RANBP9: variants seen among roughly 807,000 people sequenced by gnomAD.
RANBP9 encodes the protein RAN binding protein 9.
In RANBP9, 15 loss-of-function variants were observed where a neutral mutation model predicts 84.3. That is an observed-to-expected ratio of 0.18 (90% CI 0.12 to 0.27). The LOEUF (loss-of-function observed/expected upper bound fraction) is 0.27, where lower values mean the gene tolerates loss of function less well. Ranked by LOEUF, RANBP9 falls within the 10% of genes least tolerant of loss-of-function variation. RANBP9 has a pLI of 1.00. For synonymous variants in RANBP9, 392 were observed against 349.6 expected, an observed-to-expected ratio of 1.12 and a Z score of -1.35; for missense variants, 809 against 912.8, an observed-to-expected ratio of 0.89 and a Z score of 1.46.
At chr6:13,662,784 A>C (rs965933330) in intron 2 of RANBP9, among the ~76,000 whole-genome samples, 1 of 152,208 alleles carries the variant, frequency 6.6e-6, no homozygotes, top group African/African-American at 2.4e-5. Flanking sequence ...CTGCAGCCCA[A>C]ACAAAAACAA....
At chr6:13,691,346 T>C (rs183349974) in intron 2 of RANBP9, among the ~76,000 whole-genome samples, 11 of 152,262 alleles carry the variant, frequency 7.2e-5, no homozygotes, top group Non-Finnish European at 1.5e-4. Flanking sequence ...AAATGAAATA[T>C]ATTCTTTCAC....
At chr6:13,633,742 A>T (rs1385329399) in intron 11 of RANBP9, among the ~76,000 whole-genome samples, 1 of 152,230 alleles carries the variant, frequency 6.6e-6, no homozygotes, top group African/African-American at 2.4e-5. Flanking sequence ...AATACCACTC[A>T]ATCTCAAAAT....
chr6:13,708,371 A>T (rs2113374753), intron 1 of RANBP9, among the ~76,000 whole-genome samples: 1 of 152,334 alleles, frequency 6.6e-6, no homozygotes, highest in South Asian at 2.1e-4. Flanking sequence ...GACTGCAGTG[A>T]GCCATGATCG....
At chr6:13,661,929 G>A (rs1765545566) in intron 2 of RANBP9, among the ~76,000 whole-genome samples, 1 of 152,118 alleles carries the variant, frequency 6.6e-6, no homozygotes, top group Non-Finnish European at 1.5e-5. Flanking sequence ...TATGTTCAAA[G>A]TATTGAAAGT....
At chr6:13,688,941 G>A (rs911967647) in intron 2 of RANBP9, among the ~76,000 whole-genome samples, 11 of 130,956 alleles carry the variant, frequency 8.4e-5, no homozygotes, top group Non-Finnish European at 1.4e-4. Flanking sequence ...GAGGCCAGGA[G>A]TTCAAGACCA....
intron 2 of RANBP9, among the ~76,000 whole-genome samples, chr6:13,685,314 T>C (rs1383951081): frequency 6.6e-6 from 1 of 152,202 alleles, no homozygotes; most frequent in African/African-American, 2.4e-5. Flanking sequence ...AATAAAAAGA[T>C]ATTCAGAGCT....
At chr6:13,706,573 T>C (rs1651505851) in intron 1 of RANBP9, among the ~76,000 whole-genome samples, 1 of 148,212 alleles carries the variant, frequency 6.7e-6, no homozygotes, top group African/African-American at 2.5e-5. Context: ...CATGCCTGTA[T>C]TCTCAGCTAT....
At chr6:13,710,254 A>C (rs1221266591) in intron 1 of RANBP9, among the ~76,000 whole-genome samples, 2 of 152,140 alleles carry the variant, frequency 1.3e-5, no homozygotes, top group Non-Finnish European at 1.5e-5. Flanking sequence ...ACAAGACTTC[A>C]TGTGATATCA....
chr6:13,665,088 T>C (rs1765617969), intron 2 of RANBP9, among the ~76,000 whole-genome samples: 1 of 152,096 alleles, frequency 6.6e-6, no homozygotes. Context: ...AATCTCTATC[T>C]CACACAATAC....
Position 13,667,035 on chromosome 6 carries a change from G to A in RANBP9, c.684-8203C>T, listed in dbSNP as rs973847347. On this transcript the variant is annotated intron_variant, in intron 2 of 13. Coordinates refer to ENST00000011619, the MANE Select transcript of RANBP9 (RefSeq NM_005493.3). ...ATAAAAACAAACTCAATCCAACAGT[G>A]AGGGACAGGCAAAATTTATGTGAAC... 5.9e-5 allele frequency among the ~76,000 whole-genome samples: 9 copies of A among 152,296 alleles called. No homozygotes were observed. The East Asian group carries it at 1.7e-3, about 29-fold the overall frequency.
chr6:13,658,846 T>C lies in RANBP9; in HGVS notation c.684-14A>G. ...ATTCCCATGTAACTGTTGGCGGAGGTTGGGGGAGAGAAGAAAAGGACATTA... is the reference window on the plus strand; with the variant it reads ...ATTCCCATGTAACTGTTGGCGGAGGCTGGGGGAGAGAAGAAAAGGACATTA... On this transcript the variant is annotated splice_polypyrimidine_tract_variant and intron_variant, in intron 2 of 13. Coordinates refer to ENST00000011619, the MANE Select transcript of RANBP9 (RefSeq NM_005493.3). The C allele has an allele frequency of 3.9e-6, 6 of 1,557,166 alleles. No individual in the cohort carries two copies. The highest frequency in any genetic ancestry group is 5.3e-6 in the Non-Finnish European group (6 of 1,129,180).
chr6:13,708,574 C>A (rs138166779), intron 1 of RANBP9, among the ~76,000 whole-genome samples: 1 of 152,140 alleles, frequency 6.6e-6, no homozygotes, highest in Non-Finnish European at 1.5e-5. Context: ...TTCTGTAATA[C>A]GTGAATATAT....
At chr6:13,687,937 AAACTTTATGCT>A (rs1766227941) in intron 2 of RANBP9, among the ~76,000 whole-genome samples, 1 of 152,158 alleles carries the variant, frequency 6.6e-6, no homozygotes, top group Non-Finnish European at 1.5e-5. Flanking sequence ...TCCTCCCACA[AAACTTTATGCT>A]GAGCTTCCTC....
At chr6:13,680,458 C>T (rs1005937206) in intron 2 of RANBP9, among the ~76,000 whole-genome samples, 21 of 152,134 alleles carry the variant, frequency 1.4e-4, no homozygotes, top group African/African-American at 4.3e-4. Flanking sequence ...AAAAACATGG[C>T]TGGGTACAGT....
intron 12 of RANBP9, among the ~76,000 whole-genome samples, chr6:13,632,118 C>CTTTTTTTTTTTTTT (rs752500098): frequency 1.3e-5 from 1 of 74,966 alleles, no homozygotes; most frequent in African/African-American, 4.8e-5. Flanking sequence ...GGATTTAATC[C>CTTTTTTTTTTTTTT]TTTTTTTTTT....
chr6:13,671,429 A>T (rs1267133887), intron 2 of RANBP9, among the ~76,000 whole-genome samples: 4 of 152,232 alleles, frequency 2.6e-5, no homozygotes, highest in African/African-American at 9.6e-5. Context: ...ATATTAATAC[A>T]ATGGAATATT....
intron 2 of RANBP9, among the ~76,000 whole-genome samples, chr6:13,667,580 ATTTTAAATCTT>A (rs747932662): frequency 1.3e-5 from 2 of 152,220 alleles, no homozygotes; most frequent in Non-Finnish European, 2.9e-5. Context: ...CAAGTGTGCC[ATTTTAAATCTT>A]TTATACCACA....
At chr6:13,677,331 C>T (rs1017473236) in intron 2 of RANBP9, among the ~76,000 whole-genome samples, 1 of 152,034 alleles carries the variant, frequency 6.6e-6, no homozygotes, top group Non-Finnish European at 1.5e-5. Context: ...TATAAAACTG[C>T]TGAAATACTC....
At chr6:13,701,965 C>T (rs1456368912) in intron 1 of RANBP9, among the ~76,000 whole-genome samples, 1 of 152,110 alleles carries the variant, frequency 6.6e-6, no homozygotes, top group African/African-American at 2.4e-5. Flanking sequence ...TCTCTAGAAG[C>T]CTCTCTGTCA....
Sources: gnomAD v4.1 joint callset for allele counts (sites outside exome capture counted in the v4.1 genomes callset) on GRCh38, gnomAD v4.1.1 for gene constraint, MANE v1.5 for transcripts, NCBI Gene and HGNC (gene_info 2026-07-23, HGNC 2026-07-21) for gene names.